Variants in EXOC6B observed in about 807,000 individuals in gnomAD.
The protein encoded by EXOC6B is SEC15 homolog B.
A neutral mutation model predicts 113.5 loss-of-function variants in EXOC6B; 54 were observed. The ratio of observed to expected loss-of-function variants is 0.48; its 90% confidence interval spans 0.38 to 0.60. The LOEUF is 0.60. Ranked by LOEUF, EXOC6B falls within the 20% of genes least tolerant of loss-of-function variation. The probability of loss-of-function intolerance (pLI) is 0.00; values close to 1 mark genes in which losing one functional copy is unlikely to be tolerated. For synonymous variants in EXOC6B, 357 were observed against 339.0 expected (o/e 1.05, Z -0.58); for missense variants, 797 against 977.5 (o/e 0.82, Z 2.46).
chr2:72,260,949 A>G (rs986468987), intron 20 of EXOC6B, among the ~76,000 whole-genome samples: 1 of 152,222 alleles, frequency 6.6e-6, no homozygotes, highest in Non-Finnish European at 1.5e-5. Context: ...TGTCTGTTGC[A>G]TGACATCTGT....
chr2:72,272,394 A>C (rs1344292918), intron 20 of EXOC6B, among the ~76,000 whole-genome samples: 1 of 152,130 alleles, frequency 6.6e-6, no homozygotes, highest in Non-Finnish European at 1.5e-5. Flanking sequence ...TTCATTCAGC[A>C]AATCCTGTGA....
intron 16 of EXOC6B, among the ~76,000 whole-genome samples, chr2:72,491,909 C>T (rs1393882926): frequency 6.6e-6 from 1 of 152,228 alleles, no homozygotes; most frequent in East Asian, 1.9e-4. Context: ...ACTATGATTG[C>T]ATTATCCTAG....
intron 6 of EXOC6B, among the ~76,000 whole-genome samples, chr2:72,683,716 G>T (rs1676876018): frequency 6.6e-6 from 1 of 152,036 alleles, no homozygotes; most frequent in Admixed American, 6.6e-5. Flanking sequence ...TTCAAATGTG[G>T]GGGAAGTCAA....
chr2:72,197,316 C>T (rs559533594), intron 20 of EXOC6B, among the ~76,000 whole-genome samples: 117 of 152,050 alleles, frequency 7.7e-4, no homozygotes, highest in Non-Finnish European at 1.5e-3. Context: ...AGGACTTGGA[C>T]CCATGACAAT....
intron 6 of EXOC6B, among the ~76,000 whole-genome samples, chr2:72,681,795 G>A (rs1359258964): frequency 1.3e-5 from 2 of 151,932 alleles, no homozygotes; most frequent in African/African-American, 4.8e-5. Context: ...GGATTCCCCT[G>A]AACACATATT....
At chr2:72,421,860 C>A (rs1477353656) in intron 18 of EXOC6B, among the ~76,000 whole-genome samples, 2 of 152,214 alleles carry the variant, frequency 1.3e-5, no homozygotes, top group Non-Finnish European at 2.9e-5. Context: ...GGGCTGCGTG[C>A]AGCGCTTGCG....
intron 6 of EXOC6B, among the ~76,000 whole-genome samples, chr2:72,676,018 A>G (rs1027741880): frequency 1.7e-4 from 26 of 151,936 alleles, no homozygotes; most frequent in African/African-American, 5.6e-4. Context: ...CTTTTTCCAA[A>G]AAAGTTCTCA....
At chr2:72,538,138 T>C (rs1702404821) in intron 8 of EXOC6B, among the ~76,000 whole-genome samples, 1 of 151,896 alleles carries the variant, frequency 6.6e-6, no homozygotes, top group Non-Finnish European at 1.5e-5. Context: ...TTGTTTTTAA[T>C]TTTTAGTAGA....
intron 6 of EXOC6B, among the ~76,000 whole-genome samples, chr2:72,709,415 G>A (rs1249422867): frequency 2.0e-5 from 3 of 152,124 alleles, no homozygotes; most frequent in African/African-American, 7.2e-5. Flanking sequence ...AGGGATTGTT[G>A]GAGGGCTCTA....
At chr2:72,334,845 C>T (rs1424138643) in intron 20 of EXOC6B, 102 bp downstream of exon 20, 5 of 1,037,886 alleles carry the variant, frequency 4.8e-6, no homozygotes, top group South Asian at 2.6e-5. Context: ...CAATGTGAAT[C>T]GCCAACGCCA....
At chr2:72,427,883 C>T (rs1011477951) in intron 18 of EXOC6B, among the ~76,000 whole-genome samples, 1 of 152,144 alleles carries the variant, frequency 6.6e-6, no homozygotes, top group Non-Finnish European at 1.5e-5. Context: ...ACTTCCTCCC[C>T]TGAGGCCCAC....
At position 72,638,699 on chromosome 2, in the gene EXOC6B, G is replaced by A. The variant is rs759334328; in HGVS notation, c.670-63031C>T. Among the ~76,000 whole-genome samples, 7 of 152,206 alleles carry A rather than the reference G, an allele frequency of 4.6e-5. 1 individual carries two copies. The highest frequency in any genetic ancestry group is 3.8e-4 in the East Asian group (2 of 5,202). ...CACCACAGACACTCGAGTTGGCAGC[G>A]AGAGCTGCTTAGAGAAGTGGTAGGG... On this transcript the variant is annotated intron_variant, in intron 6 of 21. Coordinates refer to ENST00000272427, the MANE Select transcript of EXOC6B (RefSeq NM_015189.3).
chr2:72,405,152 A>C (rs1014467291), intron 18 of EXOC6B, among the ~76,000 whole-genome samples: 4 of 152,200 alleles, frequency 2.6e-5, no homozygotes, highest in Non-Finnish European at 5.9e-5. Flanking sequence ...AGTTTAGAGA[A>C]AAAAGAATGA....
At chr2:72,290,453 C>T (rs959609652) in intron 20 of EXOC6B, among the ~76,000 whole-genome samples, 4 of 152,028 alleles carry the variant, frequency 2.6e-5, no homozygotes, top group African/African-American at 9.7e-5. Context: ...TCAAACAAGT[C>T]TCAAAGATGA....
At chr2:72,472,504 A>T (rs1376441993) in intron 17 of EXOC6B, among the ~76,000 whole-genome samples, 1 of 152,108 alleles carries the variant, frequency 6.6e-6, no homozygotes, top group African/African-American at 2.4e-5. Flanking sequence ...ATTTGTTCAT[A>T]ACAGTCCCTG....
chr2:72,401,583 AT>A (rs1693251296), intron 18 of EXOC6B, among the ~76,000 whole-genome samples: 1 of 11,674 alleles, frequency 8.6e-5, no homozygotes, highest in South Asian at 2.4e-3. Context: ...ATATATATAC[AT>A]ATATATATAT....
intron 18 of EXOC6B, among the ~76,000 whole-genome samples, chr2:72,425,107 T>C (rs1236121170): frequency 6.6e-6 from 1 of 152,188 alleles, no homozygotes; most frequent in Non-Finnish European, 1.5e-5. Context: ...GAACGCAAGT[T>C]ATTCTGACTC....
At chr2:72,690,185 A>T (rs1677383276) in intron 6 of EXOC6B, among the ~76,000 whole-genome samples, 1 of 152,228 alleles carries the variant, frequency 6.6e-6, no homozygotes, top group Non-Finnish European at 1.5e-5. Flanking sequence ...TATTTGCATC[A>T]TTTGACTACC....
intron 20 of EXOC6B, among the ~76,000 whole-genome samples, chr2:72,225,100 C>CT (rs1331545595): frequency 2.0e-5 from 3 of 150,814 alleles, no homozygotes; most frequent in African/African-American, 7.3e-5. Flanking sequence ...GATGCATCCA[C>CT]TGTGGCCTCC....
Sources: allele counts gnomAD v4.1 joint callset (sites outside exome capture counted in the v4.1 genomes callset), GRCh38; gene constraint gnomAD v4.1.1; transcripts MANE v1.5; gene names NCBI Gene and HGNC (gene_info 2026-07-23, HGNC 2026-07-21).